Variants in SLC11A2 observed in about 807,000 individuals in gnomAD.
SLC11A2 encodes natural resistance-associated macrophage protein 2.
In SLC11A2, 38 loss-of-function variants were observed where a neutral mutation model predicts 68.0. The ratio of observed to expected loss-of-function variants is 0.56; its 90% confidence interval spans 0.43 to 0.73. SLC11A2 has a LOEUF of 0.73. SLC11A2 is among the 30% of genes least tolerant of loss of function. The pLI is 0.00. For missense variants in SLC11A2, 517 were observed against 690.5 expected, an observed-to-expected ratio of 0.75 and a Z score of 2.82; for synonymous variants, 242 against 250.6, an observed-to-expected ratio of 0.97 and a Z score of 0.32.
the SLC11A2 span, chr12:50,954,053 C>G: frequency 4.3e-5 from 70 of 1,613,152 alleles, no homozygotes; most frequent in Non-Finnish European, 5.9e-5. Context: ...ATTATCCCGA[C>G]TAATCAGGAA....
In SLC11A2 at chr12:50,995,698, G is replaced by A. The variant is rs762100462; in HGVS notation, c.921C>T (p.Ser307=). 14 of 1,614,142 alleles carry A rather than the reference G, an allele frequency of 8.7e-6. No homozygotes were observed. In the South Asian group the frequency reaches 1.4e-4, roughly 16 times the overall value. ...FIESCIALFV[S]FIINVFVVSV... ...AGACAACAAAGACATTGATGATGAA[G>A]GAAACAAAGAGTGCAATGCAGGATT... is the stretch of plus-strand genomic sequence containing the variant. Residue 307 remains serine, a synonymous_variant, in exon 10 of 16, where the codon TCC becomes TCT. Transcript: ENST00000262052.
the SLC11A2 span, among the ~76,000 whole-genome samples, chr12:50,963,327 G>A: frequency 1.8e-4 from 23 of 128,566 alleles, no homozygotes; most frequent in Admixed American, 2.9e-4. Flanking sequence ...CCAAAACCAC[G>A]CCACTGCACT....
chr12:50,996,868 C>G lies in SLC11A2; in HGVS notation c.780G>C (p.Val260=), dbSNP rs778845021. ...TPQIEQAVGI[V]GAVIMPHNMY... ...TGTTGTGTGGCATGATGACAGCTCC[C>G]ACGATGCCCACAGCCTGTTCAATCT... The change falls in exon 9 of 16, where the codon GTG becomes GTC. Residue 260 remains valine (V), a synonymous_variant. Coordinates refer to ENST00000262052, the MANE Select transcript of SLC11A2 (RefSeq NM_000617.3). 6.2e-7 allele frequency: 1 copy of G among 1,614,094 alleles called. No individual in the cohort carries two copies. The highest frequency in any genetic ancestry group is 1.7e-5 in the Admixed American group (1 of 60,018).
chr12:50,993,186 A>C, intron 11 of SLC11A2: 1 of 244,528 alleles, frequency 4.1e-6, no homozygotes, highest in Admixed American at 8.0e-5. Context: ...CTCCATCTTA[A>C]ATATTAAAAA....
At chr12:51,014,689 C>A (rs1326448904) in intron 1 of SLC11A2, among the ~76,000 whole-genome samples, 1 of 151,748 alleles carries the variant, frequency 6.6e-6, no homozygotes, top group East Asian at 1.9e-4. Flanking sequence ...CCCGTCTCTA[C>A]TAAAAATACA....
At chr12:51,009,953 G>A (rs998149443) in intron 2 of SLC11A2, among the ~76,000 whole-genome samples, 1 of 152,040 alleles carries the variant, frequency 6.6e-6, no homozygotes, top group Non-Finnish European at 1.5e-5. Flanking sequence ...AGGCCGAGAC[G>A]GGTGGACCAC....
At chr12:51,016,177 G>C (rs528152001) in intron 1 of SLC11A2, among the ~76,000 whole-genome samples, 1 of 152,308 alleles carries the variant, frequency 6.6e-6, no homozygotes, top group Non-Finnish European at 1.5e-5. Context: ...AAGGCAGGCA[G>C]ATTGCTTAAG....
intron 13 of SLC11A2, 31 bp downstream of exon 13, chr12:50,992,159 C>G (rs752712934): frequency 2.5e-6 from 4 of 1,612,260 alleles, no homozygotes; most frequent in South Asian, 1.1e-5. Flanking sequence ...ACCTGAATAA[C>G]TAGGATGTGT....
At chr12:51,017,598 A>G (rs1156860059) in intron 1 of SLC11A2, among the ~76,000 whole-genome samples, 2 of 152,160 alleles carry the variant, frequency 1.3e-5, no homozygotes, top group Non-Finnish European at 2.9e-5. Flanking sequence ...TACCAGATAC[A>G]TGTATTATTT....
intron 1 of SLC11A2, among the ~76,000 whole-genome samples, chr12:51,014,831 C>T (rs990930461): frequency 7.9e-5 from 12 of 151,812 alleles, no homozygotes; most frequent in Non-Finnish European, 1.3e-4. Context: ...CCAGCCTGGG[C>T]GACAGAGTAA....
the SLC11A2 span, among the ~76,000 whole-genome samples, chr12:50,973,513 A>C: frequency 6.6e-6 from 1 of 152,176 alleles, no homozygotes; most frequent in African/African-American, 2.4e-5. Flanking sequence ...TCAAAACCAA[A>C]GGTAGATAAA....
intron 5 of SLC11A2, among the ~76,000 whole-genome samples, chr12:51,003,259 T>G (rs1278715982): frequency 6.7e-6 from 1 of 149,142 alleles, no homozygotes; most frequent in African/African-American, 2.5e-5. Flanking sequence ...AAAAGCAGGC[T>G]GGGCACGGTG....
rs749001223 is a variant in SLC11A2, at chr12:50,988,364, G to A, written c.1647C>T (p.Gly549=). ...DCGHTVSISK[G]LLTEEATRGY... is the part of the protein sequence containing the mutation. ...CACGGGTGGCTTCTTCTGTCAGCAG[G>A]CCTTTAGAGATGCTTACCGTATGCC... Residue 549 remains glycine (G), a synonymous_variant, in exon 16 of 16, where the codon GGC becomes GGT. Transcript: ENST00000262052. 1.6e-5 allele frequency: 26 copies of A among 1,613,932 alleles called. No homozygotes were observed. Among genetic ancestry groups the A allele is most frequent in the Non-Finnish European group, 2.2e-5 (26 of 1,179,936 alleles).
At chr12:51,009,411 C>A in intron 2 of SLC11A2, 4 of 680,402 alleles carry the variant, frequency 5.9e-6, no homozygotes, top group Non-Finnish European at 8.0e-6. Context: ...GGATACCCTG[C>A]CAGAAATACA....
chr12:50,964,007 C>T, the SLC11A2 span, among the ~76,000 whole-genome samples: 2,439 of 152,252 alleles, frequency 0.016, 64 homozygotes, highest in African/African-American at 0.055. Flanking sequence ...TCCCTTCATA[C>T]GTCTTTGGAT....
chr12:50,965,772 G>A, the SLC11A2 span, among the ~76,000 whole-genome samples: 1 of 152,178 alleles, frequency 6.6e-6, no homozygotes, highest in Non-Finnish European at 1.5e-5. Flanking sequence ...AGGTACCCTG[G>A]TAAATGAGCA....
At chr12:50,999,981 C>A (rs1344058523) in intron 6 of SLC11A2, among the ~76,000 whole-genome samples, 3 of 151,972 alleles carry the variant, frequency 2.0e-5, no homozygotes, top group African/African-American at 7.3e-5. Context: ...GCACTCCAGC[C>A]TGGGTGACGG....
downstream of SLC11A2, chr12:50,980,020 G>A: frequency 2.3e-6 from 1 of 444,300 alleles, no homozygotes; most frequent in Non-Finnish European, 4.5e-6. Flanking sequence ...GAGCTCATGA[G>A]TTCAACACCA....
the SLC11A2 span, among the ~76,000 whole-genome samples, chr12:50,973,524 A>G: frequency 1.3e-5 from 2 of 152,164 alleles, no homozygotes. Context: ...GGTAGATAAA[A>G]CCACAAAGAG....
Sources: allele counts gnomAD v4.1 joint callset (sites outside exome capture counted in the v4.1 genomes callset), GRCh38; gene constraint gnomAD v4.1.1; transcripts MANE v1.5; gene names NCBI Gene and HGNC (gene_info 2026-07-23, HGNC 2026-07-21).